CUBN: variants seen among roughly 807,000 people sequenced by gnomAD.
CUBN encodes cubilin.
CUBN carries 282 observed loss-of-function variants against 405.3 expected under a neutral mutation model. The observed-to-expected ratio is 0.70, with a 90% CI of 0.63 to 0.77. CUBN has a LOEUF of 0.77. Among genes scored for constraint, CUBN ranks in the 30% least tolerant of loss-of-function variants. The pLI, the probability that CUBN is intolerant of heterozygous loss-of-function variation, is 0.00. For synonymous variants in CUBN, 1,684 were observed against 1,617.0 expected, an observed-to-expected ratio of 1.04 and a Z score of -0.99; for missense variants, 4,514 against 4,475.2, an observed-to-expected ratio of 1.01 and a Z score of -0.25.
At chr10:16,947,213 T>C in intron 36 of CUBN, 22 bp downstream of exon 36, 1 of 1,613,306 alleles carries the variant, frequency 6.2e-7, no homozygotes, top group Non-Finnish European at 8.5e-7. Flanking sequence ...ACTGAAACAA[T>C]ACACCATAAA....
chr10:16,882,113 T>C (rs187738080), intron 56 of CUBN, among the ~76,000 whole-genome samples: 1 of 152,350 alleles, frequency 6.6e-6, no homozygotes, highest in Non-Finnish European at 1.5e-5. Flanking sequence ...AAAAACTTCT[T>C]CAAGAAGCAA....
At chr10:16,895,239 A>G (rs1841146877) in intron 54 of CUBN, among the ~76,000 whole-genome samples, 1 of 152,074 alleles carries the variant, frequency 6.6e-6, no homozygotes, top group South Asian at 2.1e-4. Context: ...AGGTTTTTCC[A>G]TGTCTCAGGA....
chr10:17,046,189 G>A lies in CUBN; in HGVS notation c.3330-95C>T, dbSNP rs73598197. 7,251 of 1,092,278 alleles carry A rather than the reference G, an allele frequency of 6.6e-3. 346 individuals are homozygous for A. In the African/African-American group the frequency reaches 0.1, roughly 15 times the overall value. 67.7% of individuals were successfully genotyped at this position (1,092,278 alleles called of 1,614,324 possible). ...TTGAACTTTGGGATTGCAAACATTAGCAGTTTATTGGATGAAGTAATTTCT... is the reference window on the plus strand; with the variant it reads ...TTGAACTTTGGGATTGCAAACATTAACAGTTTATTGGATGAAGTAATTTCT... On this transcript the variant is annotated intron_variant, in intron 23 of 66. Coordinates refer to ENST00000377833, the MANE Select transcript of CUBN (RefSeq NM_001081.4).
chr10:16,956,007 GAAAATCTTGGGGAA>G, intron 31 of CUBN, among the ~76,000 whole-genome samples: 1 of 149,814 alleles, frequency 6.7e-6, no homozygotes, highest in Non-Finnish European at 1.5e-5. Flanking sequence ...TATTTCATAA[GAAAATCTTGGGGAA>G]AAAAATAGAA....
At chr10:16,927,397 A>G (rs528563777) in intron 41 of CUBN, among the ~76,000 whole-genome samples, 2 of 152,340 alleles carry the variant, frequency 1.3e-5, no homozygotes, top group Admixed American at 6.5e-5. Context: ...TTAAGCCACT[A>G]TGCAGCCTGC....
intron 17 of CUBN, among the ~76,000 whole-genome samples, chr10:17,075,022 T>C (rs1366780623): frequency 2.0e-5 from 3 of 151,262 alleles, no homozygotes; most frequent in Admixed American, 2.0e-4. Flanking sequence ...TGAGTAGGAG[T>C]TATCTAGGCC....
Position 17,073,242 on chromosome 10 carries a change from C to A in CUBN, c.2302-1271G>T, listed in dbSNP as rs183608274. Reference sequence around the variant, plus strand: ...TCACAGTCCATTGCCAGCTTATATACCAGATCAAATATGGGAATAATAATA... The same window carrying A: ...TCACAGTCCATTGCCAGCTTATATAACAGATCAAATATGGGAATAATAATA... On this transcript the variant is annotated intron_variant, in intron 17 of 66. Coordinates refer to ENST00000377833, the MANE Select transcript of CUBN (RefSeq NM_001081.4). 7.6e-3 allele frequency among the ~76,000 whole-genome samples: 1,163 copies of A among 152,064 alleles called. 14 individuals carry two copies. The highest frequency in any genetic ancestry group is 0.027 in the African/African-American group (1,108 of 41,454).
chr10:17,054,497 G>A (rs182437110), intron 22 of CUBN, among the ~76,000 whole-genome samples: 2 of 151,936 alleles, frequency 1.3e-5, no homozygotes, highest in Admixed American at 6.6e-5. Flanking sequence ...AATGGAAAAT[G>A]CAATAGCAAT....
chr10:17,065,963 A>G (rs930433749), intron 21 of CUBN, among the ~76,000 whole-genome samples: 15 of 152,192 alleles, frequency 9.9e-5, no homozygotes, highest in African/African-American at 3.4e-4. Flanking sequence ...CTTATACAAC[A>G]AAGGGAAACA....
chr10:16,897,631 T>G (rs1040691570), intron 54 of CUBN, among the ~76,000 whole-genome samples: 10 of 152,132 alleles, frequency 6.6e-5, no homozygotes, highest in Non-Finnish European at 1.3e-4. Flanking sequence ...CCACCTACCC[T>G]GGTGTCTCTG....
chr10:17,110,998 A>G lies in CUBN; in HGVS notation c.936T>C (p.Asn312=). ...GTGGAGCCACAGAACAGCCGCCGTT[A>G]TTTATCTCACATTCATTGATATCTT... ...ICEDINECEI[N]NGGCSVAPPV... Residue 312 remains asparagine (N), a synonymous_variant, in exon 9 of 67, where the codon AAT becomes AAC. Coordinates refer to ENST00000377833, the MANE Select transcript of CUBN (RefSeq NM_001081.4). The G allele has an allele frequency of 6.2e-7, 1 of 1,614,158 alleles. No homozygotes were observed. The highest frequency in any genetic ancestry group is 8.5e-7 in the Non-Finnish European group (1 of 1,179,998).
intron 15 of CUBN, among the ~76,000 whole-genome samples, 198 bp from the exon 16 acceptor site, chr10:17,085,957 C>T (rs1836099364): frequency 6.8e-6 from 1 of 146,944 alleles, no homozygotes; most frequent in Admixed American, 6.8e-5. Context: ...TGCCTTCTCT[C>T]TGTCTGAATT....
At chr10:16,865,750 A>T (rs568420393) in intron 59 of CUBN, among the ~76,000 whole-genome samples, 271 of 152,224 alleles carry the variant, frequency 1.8e-3, no homozygotes, top group Non-Finnish European at 3.4e-3. Flanking sequence ...GCAATAAGGG[A>T]ATAAAAGCTG....
rs752205844 is a variant in CUBN, at chr10:16,937,783, A to G, written c.5735T>C (p.Ile1912Thr). The G allele has an allele frequency of 2.5e-6, 4 of 1,613,716 alleles. No homozygotes were observed. In the Admixed American group the frequency reaches 5.0e-5, roughly 20 times the overall value. Reference sequence around the variant, plus strand: ...GGCGTGAATGCTAGGCCCATCATAGATCTGTACATAAAAACAGATAATAGA... The same window carrying G: ...GGCGTGAATGCTAGGCCCATCATAGGTCTGTACATAAAAACAGATAATAGA... The part of the protein sequence containing the change: ...IQNCYYDKLR[I>T]YDGPSIHARL... The change falls in exon 39 of 67, where the codon ATC (isoleucine) becomes ACC (threonine). Residue 1912 changes from isoleucine to threonine, a missense_variant and splice_region_variant. This residue lies in a region of CUBN where 1,613 missense variants were observed against 1,542.8 expected (regional missense o/e 1.05). Coordinates refer to ENST00000377833, the MANE Select transcript of CUBN (RefSeq NM_001081.4).
At chr10:16,969,439 C>T (rs4494215) in intron 31 of CUBN, among the ~76,000 whole-genome samples, 1 of 151,924 alleles carries the variant, frequency 6.6e-6, no homozygotes, top group African/African-American at 2.4e-5. Context: ...ACTGCAGCCT[C>T]CGCCTCCGGG....
rs774328306 is a variant in CUBN, at chr10:17,071,606, T to C, written c.2447-2A>G. ...CTCCAGTTAATTCATCCCCGCAAGC[T>C]GTAAGCATAAAAATTATAGTAGTGC... On this transcript the variant is annotated splice_acceptor_variant, in intron 18 of 66. Transcript: ENST00000377833. LOFTEE classifies it high-confidence loss of function. 1.2e-6 allele frequency: 2 copies of C among 1,613,204 alleles called. No individual in the cohort carries two copies. The highest frequency in any genetic ancestry group is 1.7e-6 in the Non-Finnish European group (2 of 1,179,738).
At chr10:16,897,419 G>A (rs1841215714) in intron 54 of CUBN, among the ~76,000 whole-genome samples, 2 of 152,094 alleles carry the variant, frequency 1.3e-5, no homozygotes, top group South Asian at 4.1e-4. Flanking sequence ...GTGCTACCGG[G>A]GCTCTCACTG....
chr10:16,864,053 C>G (rs1186402674), intron 59 of CUBN, among the ~76,000 whole-genome samples: 1 of 152,124 alleles, frequency 6.6e-6, no homozygotes, highest in East Asian at 1.9e-4. Context: ...TGAGCTGAAT[C>G]TAGATAAAAT....
intron 22 of CUBN, among the ~76,000 whole-genome samples, chr10:17,054,805 A>C (rs1313694662): frequency 6.6e-6 from 1 of 152,114 alleles, no homozygotes; most frequent in African/African-American, 2.4e-5. Flanking sequence ...GAAGAAATTA[A>C]ATTTGTAATA....
Sources: allele counts gnomAD v4.1 joint callset (sites outside exome capture counted in the v4.1 genomes callset), GRCh38; gene constraint gnomAD v4.1.1; regional missense constraint gnomAD v4.1.1; transcripts MANE v1.5; gene names NCBI Gene and HGNC (gene_info 2026-07-23, HGNC 2026-07-21).